LARGE1: variants seen among roughly 807,000 people sequenced by gnomAD.
LARGE1 encodes the protein LARGE xylosyl- and glucuronyltransferase 1.
Under a neutral mutation model 87.6 loss-of-function variants are expected in LARGE1, and 43 were observed. The ratio of observed to expected loss-of-function variants is 0.49; its 90% confidence interval spans 0.38 to 0.63. The LOEUF (loss-of-function observed/expected upper bound fraction) is 0.63, where lower values mean the gene tolerates loss of function less well. Among genes scored for constraint, LARGE1 ranks in the 30% least tolerant of loss-of-function variants. The pLI is 0.00. For missense variants in LARGE1, 802 were observed against 1,000.2 expected, an observed-to-expected ratio of 0.80 and a Z score of 2.67; for synonymous variants, 434 against 394.6, an observed-to-expected ratio of 1.10 and a Z score of -1.18.
intron 10 of LARGE1, among the ~76,000 whole-genome samples, chr22:33,320,701 G>A (rs1936626874): frequency 6.6e-6 from 1 of 152,164 alleles, no homozygotes; most frequent in South Asian, 2.1e-4. Flanking sequence ...CACAGAAGGT[G>A]ATCAATAAGC....
intron 2 of LARGE1, among the ~76,000 whole-genome samples, chr22:33,720,366 C>T (rs922768970): frequency 6.6e-6 from 1 of 152,112 alleles, no homozygotes; most frequent in African/African-American, 2.4e-5. Context: ...ACAGATGAAG[C>T]TTCTCTCACT....
chr22:33,884,068 G>T (rs2064774731), intron 1 of LARGE1, among the ~76,000 whole-genome samples: 1 of 152,210 alleles, frequency 6.6e-6, no homozygotes, highest in Non-Finnish European at 1.5e-5. Flanking sequence ...AAATAGTTGT[G>T]TGATGAATCA....
At chr22:33,492,570 C>T (rs1385130310) in intron 6 of LARGE1, among the ~76,000 whole-genome samples, 2 of 152,164 alleles carry the variant, frequency 1.3e-5, no homozygotes, top group Non-Finnish European at 2.9e-5. Flanking sequence ...GTGGGGACTC[C>T]GTGCTGCTGT....
chr22:33,419,091 C>T (rs552894307), intron 7 of LARGE1, among the ~76,000 whole-genome samples: 3 of 152,116 alleles, frequency 2.0e-5, no homozygotes, highest in Non-Finnish European at 4.4e-5. Flanking sequence ...CCTCAGGAAA[C>T]TTACAATCAT....
intron 6 of LARGE1, among the ~76,000 whole-genome samples, chr22:33,515,909 C>A (rs187825371): frequency 4.6e-5 from 7 of 152,326 alleles, no homozygotes; most frequent in African/African-American, 1.4e-4. Context: ...AACACTCCCA[C>A]CTGTGTATTC....
At chr22:33,483,408 TG>T (rs2069418367) in intron 6 of LARGE1, among the ~76,000 whole-genome samples, 1 of 152,152 alleles carries the variant, frequency 6.6e-6, no homozygotes, top group South Asian at 2.1e-4. Context: ...ACACTGATAT[TG>T]GGGGCAGAGG....
chr22:33,649,038 C>T (rs1321303756), intron 3 of LARGE1, among the ~76,000 whole-genome samples: 2 of 152,202 alleles, frequency 1.3e-5, no homozygotes, highest in African/African-American at 2.4e-5. Context: ...TGTGACATCC[C>T]GAATCCTGCT....
At chr22:33,324,228 C>CAAAAAAAAAAAAAAAAAAAAAA (rs1161508287) in intron 10 of LARGE1, among the ~76,000 whole-genome samples, 1 of 10,736 alleles carries the variant, frequency 9.3e-5, no homozygotes, top group Non-Finnish European at 1.6e-4. Context: ...GACTCCATCT[C>CAAAAAAAAAAAAAAAAAAAAAA]AAAAAAAAAA....
intron 2 of LARGE1, among the ~76,000 whole-genome samples, chr22:33,739,957 G>C (rs1569418618): frequency 6.6e-6 from 1 of 152,160 alleles, no homozygotes; most frequent in Non-Finnish European, 1.5e-5. Context: ...GGGCTCAAAA[G>C]CCAATAGAGA....
intron 9 of LARGE1, among the ~76,000 whole-genome samples, chr22:33,379,666 A>G (rs2065097314): frequency 6.6e-6 from 1 of 152,184 alleles, no homozygotes; most frequent in African/African-American, 2.4e-5. Context: ...ACATGGATGA[A>G]GCTGGAAACC....
intron 6 of LARGE1, among the ~76,000 whole-genome samples, chr22:33,484,038 T>C (rs558966920): frequency 2.6e-5 from 4 of 152,264 alleles, no homozygotes; most frequent in East Asian, 1.9e-4. Flanking sequence ...ACGGGCCTCA[T>C]TGCTACAAAT....
At chr22:33,123,333 C>T in the LARGE1 span, among the ~76,000 whole-genome samples, 1 of 151,914 alleles carries the variant, frequency 6.6e-6, no homozygotes, top group Non-Finnish European at 1.5e-5. Context: ...TGTTGATTCC[C>T]CAATTTGTAT....
intron 6 of LARGE1, among the ~76,000 whole-genome samples, chr22:33,482,711 TA>T (rs112016920): frequency 0.25 from 37,237 of 151,160 alleles, 4,946 homozygotes; most frequent in African/African-American, 0.34. Flanking sequence ...AGTATAATAA[TA>T]AAAAAAAACA....
chr22:33,857,698 T>C (rs1044075002), intron 1 of LARGE1, among the ~76,000 whole-genome samples: 2 of 152,226 alleles, frequency 1.3e-5, no homozygotes, highest in African/African-American at 4.8e-5. Context: ...AGTTATCTGC[T>C]TAAGACCTGG....
chr22:33,869,624 G>A (rs1351098096), intron 1 of LARGE1, among the ~76,000 whole-genome samples: 1 of 152,184 alleles, frequency 6.6e-6, no homozygotes, highest in Non-Finnish European at 1.5e-5. Context: ...ACCGTGGGAA[G>A]CACTCGCATG....
intron 11 of LARGE1, among the ~76,000 whole-genome samples, chr22:33,209,812 T>C (rs1222667032): frequency 1.3e-5 from 2 of 152,158 alleles, no homozygotes; most frequent in African/African-American, 4.8e-5. Flanking sequence ...GGCCAGCTAA[T>C]TGTATTTTTA....
At chr22:33,573,140 C>T (rs1177022149) in intron 5 of LARGE1, among the ~76,000 whole-genome samples, 2 of 151,984 alleles carry the variant, frequency 1.3e-5, no homozygotes, top group Non-Finnish European at 2.9e-5. Flanking sequence ...GAGCAAAAGA[C>T]AATATTCACA....
the LARGE1 span, among the ~76,000 whole-genome samples, chr22:33,133,921 A>G: frequency 2.0e-5 from 3 of 152,224 alleles, no homozygotes; most frequent in Admixed American, 6.5e-5. Context: ...AGCCTTCAAT[A>G]TATTATTTTT....
intron 2 of LARGE1, chr22:33,727,726 C>A (rs189232487): frequency 3.9e-5 from 6 of 152,208 alleles, no homozygotes; most frequent in Admixed American, 6.5e-5. Flanking sequence ...ACATGATACA[C>A]GTGATATCAC....
Sources: allele counts gnomAD v4.1 joint callset (sites outside exome capture counted in the v4.1 genomes callset), GRCh38; gene constraint gnomAD v4.1.1; transcripts MANE v1.5; gene names NCBI Gene and HGNC (gene_info 2026-07-23, HGNC 2026-07-21).